The following MYOM2 variants were observed in gnomAD, a reference collection of about 807,000 sequenced individuals.
The protein encoded by MYOM2 is myomesin-2.
Under a neutral mutation model 187.6 loss-of-function variants are expected in MYOM2, and 254 were observed. The ratio of observed to expected loss-of-function variants is 1.35; its 90% CI spans 1.22 to 1.50. The LOEUF (loss-of-function observed/expected upper bound fraction) is 1.50, where lower values mean the gene tolerates loss of function less well. Ranked by LOEUF, MYOM2 falls within the 40% of genes most tolerant of loss-of-function variation. The pLI is 0.00. For synonymous variants in MYOM2, 981 were observed against 753.8 expected (o/e 1.30, Z -4.94); for missense variants, 2,796 against 1,924.0 (o/e 1.45, Z -8.48).
intron 16 of MYOM2, among the ~76,000 whole-genome samples, chr8:2,092,775 C>A (rs940737244): frequency 1.3e-5 from 2 of 151,724 alleles, no homozygotes; most frequent in African/African-American, 4.8e-5. Flanking sequence ...TTTTTTTCCC[C>A]TGACATAATT....
At chr8:2,102,554 A>C (rs1159366132) in intron 20 of MYOM2, 113 bp from the exon 21 acceptor site, 2 of 583,938 alleles carry the variant, frequency 3.4e-6, no homozygotes, top group Non-Finnish European at 6.1e-6. Context: ...CATTTTCCTA[A>C]CTGGAAAAAT....
In MYOM2 at chr8:2,120,687, TAA is replaced by T. The variant is rs1197948284; in HGVS notation, c.3454-2563_3454-2562del. 4.5e-3 allele frequency among the ~76,000 whole-genome samples: 383 copies of T among 85,890 alleles called. 34 individuals carry two copies. The highest frequency in any genetic ancestry group is 6.6e-3 in the East Asian group (23 of 3,506). The allele number at this position is 85,890 out of a possible 152,430, so 56.3% of individuals were successfully genotyped here. A position where few individuals can be genotyped will look rare whatever the true frequency, so the allele number is the denominator to read the frequency against. ...ATATATATATATATTATATTATATATAAATATATAATATATATATTTTAATTG... is the reference window on the plus strand; with the variant it reads ...ATATATATATATATTATATTATATATATATATAATATATATATTTTAATTG... On this transcript the variant is annotated intron_variant, in intron 28 of 36. Transcript: ENST00000262113.
intron 35 of MYOM2, among the ~76,000 whole-genome samples, chr8:2,142,700 C>A (rs1306292338): frequency 8.7e-6 from 1 of 114,346 alleles, no homozygotes; most frequent in East Asian, 2.9e-4. Context: ...CCTCCCTCCC[C>A]TCCCCTTCCC....
At chr8:2,055,787 C>A (rs555079704) in intron 3 of MYOM2, among the ~76,000 whole-genome samples, 68 of 152,294 alleles carry the variant, frequency 4.5e-4, no homozygotes, top group African/African-American at 1.3e-3. Context: ...CAGGCCTTAC[C>A]GCCAACCTGC....
chr8:2,106,242 G>A lies in MYOM2; in HGVS notation c.2735G>A (p.Gly912Asp), dbSNP rs778830839. ...SEPVLVEARPGTKEISAGVDE... is the reference protein window; with the variant it reads ...SEPVLVEARPDTKEISAGVDE... The stretch of plus-strand genomic sequence containing the variant: ...CTCACTTCATACTCTTCTTATGCAG[G>A]CACCAAGGAAATCAGTGCTGGTGTC... The change falls in exon 22 of 37, where the codon GGC becomes GAC. Residue 912 changes from glycine (G) to aspartate (D), a missense_variant and splice_region_variant. By Grantham distance (94) the Gly-to-Asp change is moderately conservative. Coordinates refer to ENST00000262113, the MANE Select transcript of MYOM2 (RefSeq NM_003970.4). The A allele has an allele frequency of 1.1e-5, 17 of 1,613,852 alleles. No individual in the cohort carries two copies. The highest frequency in any genetic ancestry group is 1.6e-4 in the Middle Eastern group (1 of 6,076).
In MYOM2 at chr8:2,123,627, G is replaced by C; in HGVS notation, c.3640G>C (p.Glu1214Gln). Residue 1214 changes from glutamate (E) to glutamine (Q), a missense_variant, in exon 30 of 37, where the codon GAA becomes CAA. Transcript: ENST00000262113. ...DDRGQDVSIL[E>Q]IAGKVYDDMI... ...CAGAGGCCAAGATGTGTCCATCCTT[G>C]AAATAGCTGGCAAAGGTAAAAGAAA... 3.1e-6 allele frequency: 5 copies of C among 1,614,128 alleles called. No homozygotes were observed. The highest frequency in any genetic ancestry group is 1.1e-5 in the South Asian group (1 of 91,078).
At position 2,101,004 on chromosome 8, in the gene MYOM2, G is replaced by A; in HGVS notation, c.2569G>A (p.Gly857Arg). Residue 857 changes from glycine (G) to arginine (R), a missense_variant, in exon 20 of 37, where the codon GGA becomes AGA. Physicochemically the swap from Gly to Arg is moderately radical, Grantham distance 125. Transcript: ENST00000262113. ...CGTGGACTTCAGGGAGGAGGATGCT[G>A]GAGAGTGGATCACTGTCAATCAGAC... ...YFVDFREEDA[G>R]EWITVNQTTT... 1.2e-6 allele frequency: 2 copies of A among 1,614,174 alleles called. No homozygotes were observed. Among genetic ancestry groups the A allele is most frequent in the South Asian group, 1.1e-5 (1 of 91,078 alleles).
At chr8:2,051,693 G>A (rs924774530) in intron 2 of MYOM2, among the ~76,000 whole-genome samples, 15 of 152,206 alleles carry the variant, frequency 9.9e-5, no homozygotes, top group African/African-American at 2.4e-4. Context: ...GACTGTGGCC[G>A]GCACTGGCTG....
intron 17 of MYOM2, among the ~76,000 whole-genome samples, chr8:2,094,863 A>C (rs557288929): frequency 6.6e-6 from 1 of 152,170 alleles, no homozygotes; most frequent in Non-Finnish European, 1.5e-5. Flanking sequence ...TTGGGATCCT[A>C]AATCTCAGGG....
chr8:2,059,360 C>G (rs769604372), intron 6 of MYOM2, 115 bp downstream of exon 6: 3 of 803,756 alleles, frequency 3.7e-6, no homozygotes, highest in Admixed American at 2.7e-5. Context: ...GTTTGCACCC[C>G]GGGTGACTTT....
chr8:2,087,810 G>A (rs952560202), intron 14 of MYOM2, among the ~76,000 whole-genome samples: 7 of 152,030 alleles, frequency 4.6e-5, no homozygotes, highest in African/African-American at 9.7e-5. Flanking sequence ...TTATAGAGAC[G>A]AGGTCTCGCC....
chr8:2,105,190 T>C (rs1796850830), intron 21 of MYOM2, among the ~76,000 whole-genome samples: 1 of 152,134 alleles, frequency 6.6e-6, no homozygotes, highest in African/African-American at 2.4e-5. Context: ...GAGTGTGACC[T>C]GAGTGTCAGG....
intron 25 of MYOM2, among the ~76,000 whole-genome samples, chr8:2,113,701 A>G (rs1797143839): frequency 6.6e-6 from 1 of 152,200 alleles, no homozygotes; most frequent in Non-Finnish European, 1.5e-5. Flanking sequence ...GGTCCTGACC[A>G]TGTCCGCGGG....
intron 34 of MYOM2, 67 bp from the exon 35 acceptor site, chr8:2,142,308 A>G (rs1798300694): frequency 2.0e-6 from 3 of 1,489,152 alleles, no homozygotes; most frequent in African/African-American, 2.8e-5. Context: ...TCAGCTGTGC[A>G]TTTTGTTGGA....
intron 14 of MYOM2, among the ~76,000 whole-genome samples, 160 bp downstream of exon 14, chr8:2,085,550 G>C (rs1819823546): frequency 2.9e-5 from 1 of 34,446 alleles, no homozygotes; most frequent in Non-Finnish European, 4.9e-5. Flanking sequence ...TGGCCCCACT[G>C]TCATGATCTC....
chr8:2,074,753 G>C (rs924805025), intron 10 of MYOM2, among the ~76,000 whole-genome samples: 2 of 152,266 alleles, frequency 1.3e-5, no homozygotes, highest in South Asian at 4.1e-4. Context: ...CACCGCGCCC[G>C]GCCCCACCTA....
intron 9 of MYOM2, among the ~76,000 whole-genome samples, chr8:2,073,104 G>T (rs76976265): frequency 6.6e-6 from 1 of 152,200 alleles, no homozygotes; most frequent in Admixed American, 6.5e-5. Context: ...CTCGCAGCAC[G>T]TCCCACTTTG....
At chr8:2,127,711 CGGTGA>C (rs1440015333) in intron 31 of MYOM2, 1 of 124,548 alleles carries the variant, frequency 8.0e-6, no homozygotes, top group Non-Finnish European at 1.7e-5. Context: ...CGGCGTGACG[CGGTGA>C]CGCAGCCGCA....
intron 32 of MYOM2, among the ~76,000 whole-genome samples, chr8:2,132,500 T>A (rs1349903732): frequency 6.6e-6 from 1 of 152,214 alleles, no homozygotes; most frequent in Non-Finnish European, 1.5e-5. Context: ...CATCTAGACA[T>A]GGCTAGATCT....
Sources: gnomAD v4.1 joint callset for allele counts (sites outside exome capture counted in the v4.1 genomes callset) on GRCh38, gnomAD v4.1.1 for gene constraint, MANE v1.5 for transcripts, NCBI Gene and HGNC (gene_info 2026-07-23, HGNC 2026-07-21) for gene names.